Variants in ARHGEF12 observed in about 807,000 individuals in gnomAD.
ARHGEF12 encodes KMT2A/ARHGEF12 fusion protein.
Under a neutral mutation model 211.2 loss-of-function variants are expected in ARHGEF12, and 66 were observed. That is an observed-to-expected ratio of 0.31 (90% CI 0.26 to 0.38). The LOEUF is 0.38. ARHGEF12 is among the 10% of genes least tolerant of loss of function. ARHGEF12 has a pLI of 1.00. For synonymous variants in ARHGEF12, 592 were observed against 638.4 expected, an observed-to-expected ratio of 0.93 and a Z score of 1.09; for missense variants, 1,429 against 1,869.5, an observed-to-expected ratio of 0.76 and a Z score of 4.34.
At chr11:120,468,034 T>G (rs961201043) in intron 29 of ARHGEF12, among the ~76,000 whole-genome samples, 1 of 152,238 alleles carries the variant, frequency 6.6e-6, no homozygotes, top group African/African-American at 2.4e-5. Context: ...TCATTTTTGC[T>G]TTGAAGAAGG....
intron 1 of ARHGEF12, among the ~76,000 whole-genome samples, chr11:120,347,183 C>CTTCCTTCCTTCCTTCCTTTCTTTCTTT (rs1555090042): frequency 7.0e-5 from 7 of 100,322 alleles, no homozygotes; most frequent in African/African-American, 2.5e-4. Flanking sequence ...TTCCTTCCTT[C>CTTCCTTCCTTCCTTCCTTTCTTTCTTT]CTTTCTTTCT....
chr11:120,455,983 G>GCA (rs1946350188), intron 22 of ARHGEF12, among the ~76,000 whole-genome samples: 2 of 152,196 alleles, frequency 1.3e-5, no homozygotes, highest in Non-Finnish European at 2.9e-5. Context: ...TGTTCTATTT[G>GCA]AAGTGGCCCA....
Position 120,437,366 on chromosome 11 carries a change from A to C in ARHGEF12, c.983A>C (p.Glu328Ala), listed in dbSNP as rs751513670. 2 of 1,613,020 alleles carry C rather than the reference A, an allele frequency of 1.2e-6. No individual in the cohort carries two copies. The highest frequency in any genetic ancestry group is 1.7e-6 in the Non-Finnish European group (2 of 1,179,406). Residue 328 changes from glutamate (E) to alanine (A), a missense_variant, in exon 12 of 41, where the codon GAA becomes GCA. Physicochemically the swap from Glu to Ala is moderately radical, Grantham distance 107 (BLOSUM62 -1). Transcript: ENST00000397843. Reference sequence around the variant, plus strand: ...CTAGAGGAAAACCCAGAGAAAAGTGAAACAATTCAGGACACTGTGAGTATG... The same window carrying C: ...CTAGAGGAAAACCCAGAGAAAAGTGCAACAATTCAGGACACTGTGAGTATG... ...IYLEENPEKS[E>A]TIQDTDTQSL...
At position 120,485,637 on chromosome 11, in the gene ARHGEF12, A is replaced by G. The variant is rs1278243228; in HGVS notation, c.*560A>G. 4.3e-6 allele frequency: 1 copy of G among 235,200 alleles called. No individual in the cohort carries two copies. The allele number at this position is 235,200 out of a possible 1,614,324, so 14.6% of individuals were successfully genotyped here. A position where few individuals can be genotyped will look rare whatever the true frequency, so the allele number is the denominator to read the frequency against. ...GAAGGGAGGAGCACCTTGCTTCACT[A>G]TACAGTATTCCAAGCTCTCTGCTGT... On this transcript the variant is annotated 3_prime_UTR_variant, in exon 41 of 41. Coordinates refer to ENST00000397843, the MANE Select transcript of ARHGEF12 (RefSeq NM_015313.3).
At chr11:120,342,655 T>A (rs1201318863) in intron 1 of ARHGEF12, among the ~76,000 whole-genome samples, 2 of 152,200 alleles carry the variant, frequency 1.3e-5, no homozygotes, top group East Asian at 1.9e-4. Context: ...ACTTTTATTT[T>A]AGATAGTCTT....
At chr11:120,389,046 G>C (rs927643113) in intron 1 of ARHGEF12, among the ~76,000 whole-genome samples, 1 of 151,376 alleles carries the variant, frequency 6.6e-6, no homozygotes, top group Non-Finnish European at 1.5e-5. Flanking sequence ...TCTAGTTTTA[G>C]TTTTAGTAGA....
At chr11:120,347,183 C>CT (rs1555090042) in intron 1 of ARHGEF12, among the ~76,000 whole-genome samples, 6 of 100,222 alleles carry the variant, frequency 6.0e-5, no homozygotes, top group African/African-American at 1.1e-4. Flanking sequence ...TTCCTTCCTT[C>CT]CTTTCTTTCT....
At chr11:120,402,732 T>C (rs916186393) in intron 1 of ARHGEF12, among the ~76,000 whole-genome samples, 3 of 152,210 alleles carry the variant, frequency 2.0e-5, no homozygotes, top group Non-Finnish European at 4.4e-5. Flanking sequence ...TCTTCTCATA[T>C]GGCTTCAGAA....
chr11:120,474,654 T>G lies in ARHGEF12; in HGVS notation c.3109+19T>G, dbSNP rs754569014. 5.7e-6 allele frequency: 9 copies of G among 1,590,594 alleles called. No homozygotes were observed. Among genetic ancestry groups the G allele is most frequent in the Non-Finnish European group, 7.7e-6 (9 of 1,170,664 alleles). Reference sequence around the variant, plus strand: ...ACTATTGGTAGGTCTGATATTGTCTTTTAGTTTTGGGGAGAGTGGCAAAAG... The same window carrying G: ...ACTATTGGTAGGTCTGATATTGTCTGTTAGTTTTGGGGAGAGTGGCAAAAG... On this transcript the variant is annotated intron_variant, in intron 32 of 40. Coordinates refer to ENST00000397843, the MANE Select transcript of ARHGEF12 (RefSeq NM_015313.3).
At chr11:120,463,230 A>G (rs1565501113) in intron 27 of ARHGEF12, 2 of 152,216 alleles carry the variant, frequency 1.3e-5, no homozygotes, top group African/African-American at 4.8e-5. Flanking sequence ...AACTGCTTGT[A>G]AAACTACTGT....
intron 1 of ARHGEF12, among the ~76,000 whole-genome samples, chr11:120,351,263 C>T (rs965505404): frequency 1.5e-5 from 2 of 129,502 alleles, no homozygotes; most frequent in African/African-American, 3.0e-5. Flanking sequence ...AGGAGAATGG[C>T]ATGAACCCGG....
chr11:120,413,876 T>A (rs915822977), intron 4 of ARHGEF12, among the ~76,000 whole-genome samples: 13 of 152,334 alleles, frequency 8.5e-5, no homozygotes, highest in African/African-American at 3.1e-4. Flanking sequence ...GTCAATGTAA[T>A]ATGGAAGATT....
chr11:120,437,608 G>A (rs1355097835), intron 12 of ARHGEF12, among the ~76,000 whole-genome samples: 1 of 152,070 alleles, frequency 6.6e-6, no homozygotes. Flanking sequence ...AACATAAAAT[G>A]TACTAGTTTA....
chr11:120,474,465 A>G (rs1420077851), intron 31 of ARHGEF12, 95 bp from the exon 32 acceptor site: 2 of 759,100 alleles, frequency 2.6e-6, no homozygotes, highest in Non-Finnish European at 4.1e-6. Context: ...TGTATTTTAT[A>G]TTAAGAATTT....
At chr11:120,478,134 C>T (rs1010461890) in intron 36 of ARHGEF12, 22 bp from the exon 37 acceptor site, 3 of 1,533,988 alleles carry the variant, frequency 2.0e-6, no homozygotes, top group Non-Finnish European at 1.8e-6. Flanking sequence ...ATATAGTCTA[C>T]CTTTTCTATT....
At position 120,485,276 on chromosome 11, in the gene ARHGEF12, G is replaced by A; in HGVS notation, c.*199G>A. On this transcript the variant is annotated 3_prime_UTR_variant, in exon 41 of 41. Coordinates refer to ENST00000397843, the MANE Select transcript of ARHGEF12 (RefSeq NM_015313.3). ...GTGGCAGCTGCACTAATCTGTTTGT[G>A]AGGGAATATCCATTCCCTCACTCTA... The A allele has an allele frequency of 3.5e-6, 2 of 567,378 alleles. No individual in the cohort carries two copies. Among genetic ancestry groups the A allele is most frequent in the Admixed American group, 6.3e-5 (2 of 31,718 alleles). The allele number at this position is 567,378 out of a possible 1,614,324, so 35.1% of individuals were successfully genotyped here.
At chr11:120,420,674 T>G in intron 4 of ARHGEF12, 79 bp from the exon 5 acceptor site, 1 of 1,205,120 alleles carries the variant, frequency 8.3e-7, no homozygotes, top group Non-Finnish European at 1.2e-6. Flanking sequence ...GAACACAGTT[T>G]ATTACTAATA....
At chr11:120,408,077 A>G (rs1944766656) in intron 3 of ARHGEF12, 1 of 321,670 alleles carries the variant, frequency 3.1e-6, no homozygotes, top group East Asian at 5.0e-5. Context: ...AATAATAGAA[A>G]TGGTTATATA....
rs1425595282 is a variant in ARHGEF12 at position 120,486,972 on chromosome 11, T to G, written c.*1895T>G. 4.7e-6 allele frequency: 1 copy of G among 213,810 alleles called. No homozygotes were observed. Among genetic ancestry groups the G allele is most frequent in the Non-Finnish European group, 9.5e-6 (1 of 105,772 alleles). 13.2% of individuals were successfully genotyped at this position (213,810 alleles called of 1,614,324 possible). On this transcript the variant is annotated 3_prime_UTR_variant, in exon 41 of 41. Transcript: ENST00000397843. ...GCTAATATATAAATGAAGTTTGGGA[T>G]TTGGAACTTTCTGTATCTCTTAGGA...
Sources: gnomAD v4.1 joint callset for allele counts (sites outside exome capture counted in the v4.1 genomes callset) on GRCh38, gnomAD v4.1.1 for gene constraint, MANE v1.5 for transcripts, NCBI Gene and HGNC (gene_info 2026-07-23, HGNC 2026-07-21) for gene names.